ERAP1: variants seen among roughly 807,000 people sequenced by gnomAD.
ERAP1 encodes the protein endoplasmic reticulum aminopeptidase 1, also known as adipocyte-derived leucine aminopeptidase.
In ERAP1, 86 loss-of-function variants were observed where a neutral mutation model predicts 103.7. The observed-to-expected ratio is 0.83, with a 90% CI of 0.70 to 0.99. ERAP1 has a LOEUF of 0.99. ERAP1 is among the 50% of genes least tolerant of loss of function. The pLI is 0.00. For missense variants in ERAP1, 1,009 were observed against 1,128.4 expected (o/e 0.89, Z 1.52); for synonymous variants, 398 against 402.4 (o/e 0.99, Z 0.13).
chr5:96,908,675 T>C, the ERAP1 span, among the ~76,000 whole-genome samples: 1 of 152,244 alleles, frequency 6.6e-6, no homozygotes, highest in African/African-American at 2.4e-5. Context: ...GTAGACATTA[T>C]TCTAAATGCT....
chr5:96,879,939 A>G, the ERAP1 span: 20 of 1,614,052 alleles, frequency 1.2e-5, no homozygotes, highest in East Asian at 1.6e-4. Context: ...GTCCACCCCA[A>G]TCTCACCTCT....
the ERAP1 span, among the ~76,000 whole-genome samples, chr5:96,830,221 C>T: frequency 6.6e-6 from 1 of 152,114 alleles, no homozygotes; most frequent in African/African-American, 2.4e-5. Flanking sequence ...CTTGTGGTCC[C>T]CAAGCTGGCT....
chr5:96,901,671 C>A, the ERAP1 span: 1 of 1,613,690 alleles, frequency 6.2e-7, no homozygotes, highest in Non-Finnish European at 8.5e-7. Flanking sequence ...ATGGAGGGCC[C>A]TGCAGGAGAG....
chr5:96,894,047 A>C, the ERAP1 span, among the ~76,000 whole-genome samples: 2 of 152,176 alleles, frequency 1.3e-5, no homozygotes, highest in African/African-American at 4.8e-5. Flanking sequence ...AAAGACATTG[A>C]TCTTAGCACC....
At chr5:96,931,285 T>C in the ERAP1 span, among the ~76,000 whole-genome samples, 1 of 151,734 alleles carries the variant, frequency 6.6e-6, no homozygotes, top group Non-Finnish European at 1.5e-5. Context: ...GCCTCCTGAG[T>C]AGCTGGGACC....
upstream of ERAP1, among the ~76,000 whole-genome samples, chr5:96,808,665 C>G (rs1778961219): frequency 6.6e-6 from 1 of 152,174 alleles, no homozygotes; most frequent in South Asian, 2.1e-4. Context: ...TCAACACGTT[C>G]CCTCTGATTT....
chr5:96,793,909 C>A lies in ERAP1; in HGVS notation c.968G>T (p.Gly323Val). ...DFQSGAMENWGLTTYRESALL... is the reference protein window; with the variant it reads ...DFQSGAMENWVLTTYRESALL... ...AGCAGATTCTCTATATGTTGTCAGT[C>A]CCCAGTTTTCCATAGCACCAGACTG... Residue 323 changes from glycine to valine, a missense_variant, in exon 6 of 19, where the codon GGA becomes GTA. This residue lies in a region of ERAP1 where 392 missense variants were observed against 455.2 expected (regional missense o/e 0.86). Coordinates refer to ENST00000443439, the MANE Select transcript of ERAP1 (RefSeq NM_001040458.3). The A allele has an allele frequency of 6.2e-7, 1 of 1,614,154 alleles. No individual in the cohort carries two copies. Among genetic ancestry groups the A allele is most frequent in the East Asian group, 2.2e-5 (1 of 44,880 alleles).
chr5:96,776,590 T>A (rs1375221496), intron 18 of ERAP1, 39 bp from the exon 19 acceptor site: 1 of 1,604,964 alleles, frequency 6.2e-7, no homozygotes, highest in Non-Finnish European at 8.5e-7. Flanking sequence ...ATTAATTTTA[T>A]CACATTAATC....
chr5:96,901,485 CAT>C, the ERAP1 span: 2 of 1,610,874 alleles, frequency 1.2e-6, no homozygotes, highest in East Asian at 4.5e-5. Flanking sequence ...CTTGAGTTAT[CAT>C]AGTCACCTGT....
chr5:96,848,075 G>A, the ERAP1 span, among the ~76,000 whole-genome samples: 1 of 152,106 alleles, frequency 6.6e-6, no homozygotes, highest in African/African-American at 2.4e-5. Flanking sequence ...TTGAGACAGA[G>A]TCTTACTCTT....
At chr5:96,832,686 T>C in the ERAP1 span, among the ~76,000 whole-genome samples, 5 of 152,200 alleles carry the variant, frequency 3.3e-5, no homozygotes. Context: ...ATTTGTAAAA[T>C]GTATTTAAGT....
At chr5:96,913,168 T>A in the ERAP1 span, 13 of 628,570 alleles carry the variant, frequency 2.1e-5, no homozygotes, top group Non-Finnish European at 3.4e-5. Context: ...TCTAAAAAAG[T>A]AAAAGTTTAA....
the ERAP1 span, among the ~76,000 whole-genome samples, chr5:96,831,172 GC>G: frequency 6.6e-6 from 1 of 152,202 alleles, no homozygotes; most frequent in Non-Finnish European, 1.5e-5. Context: ...TAAAGGGGAA[GC>G]AAGGCACTTC....
At chr5:96,913,128 G>GT in the ERAP1 span, among the ~76,000 whole-genome samples, 1 of 152,188 alleles carries the variant, frequency 6.6e-6, no homozygotes, top group African/African-American at 2.4e-5. Context: ...ATAAGTAAAT[G>GT]TTTTTGATAG....
At chr5:96,896,610 C>A in the ERAP1 span, 1 of 1,468,560 alleles carries the variant, frequency 6.8e-7, no homozygotes, top group Non-Finnish European at 9.1e-7. Flanking sequence ...ACTTGTTTCA[C>A]TTTTTATTTG....
chr5:96,878,227 T>TG, the ERAP1 span, among the ~76,000 whole-genome samples: 1 of 108,788 alleles, frequency 9.2e-6, no homozygotes, highest in African/African-American at 3.6e-5. Context: ...GAACCGAACC[T>TG]TAAAAAAATT....
the ERAP1 span, among the ~76,000 whole-genome samples, chr5:96,930,502 C>G: frequency 6.6e-6 from 1 of 151,722 alleles, no homozygotes; most frequent in Admixed American, 6.6e-5. Flanking sequence ...GTTCTCTTTG[C>G]CCCTCCCTCA....
At chr5:96,806,198 A>T (rs1173866204) in intron 1 of ERAP1, 2 of 152,130 alleles carry the variant, frequency 1.3e-5, no homozygotes, top group African/African-American at 4.8e-5. Context: ...TTCCAATAGT[A>T]AGTGTTCCAG....
chr5:96,834,392 C>T, the ERAP1 span, among the ~76,000 whole-genome samples: 2 of 152,114 alleles, frequency 1.3e-5, no homozygotes, highest in African/African-American at 4.8e-5. Flanking sequence ...GAATAATAAC[C>T]CCGACCATAA....
Sources: allele counts gnomAD v4.1 joint callset (sites outside exome capture counted in the v4.1 genomes callset), GRCh38; gene constraint gnomAD v4.1.1; regional missense constraint gnomAD v4.1.1; transcripts MANE v1.5; gene names NCBI Gene and HGNC (gene_info 2026-07-23, HGNC 2026-07-21).